POFUT2: variants seen among roughly 807,000 people sequenced by gnomAD.
The protein encoded by POFUT2 is protein O-fucosyltransferase 2.
POFUT2 carries 30 observed loss-of-function variants against 55.0 expected under a neutral mutation model. That is an observed-to-expected ratio of 0.55 (90% CI 0.41 to 0.74). The LOEUF (loss-of-function observed/expected upper bound fraction) is 0.74. POFUT2 is among the 30% of genes least tolerant of loss of function. The pLI is 0.00. For synonymous variants in POFUT2, 267 were observed against 231.1 expected, an observed-to-expected ratio of 1.16 and a Z score of -1.41; for missense variants, 524 against 562.6, an observed-to-expected ratio of 0.93 and a Z score of 0.69.
chr21:45,264,397 CCT>C lies in POFUT2; in HGVS notation c.*1083_*1084del, dbSNP rs1467514513. 8 of 152,426 alleles carry C rather than the reference CCT, an allele frequency of 5.2e-5. No homozygotes were observed. The East Asian group carries it at 1.4e-3, about 26-fold the overall frequency. 9.4% of individuals were successfully genotyped at this position (152,426 alleles called of 1,614,324 possible). A position where few individuals can be genotyped will look rare whatever the true frequency, so the allele number is the denominator to read the frequency against. On this transcript the variant is annotated 3_prime_UTR_variant, in exon 9 of 9. Transcript: ENST00000349485. Reference sequence around the variant, plus strand: ...GGGGGGCTCCCTGACCCTGAGGACCCCTGAGGCACTGCTGCACCTTCCACGGA... The same window carrying C: ...GGGGGGCTCCCTGACCCTGAGGACCCGAGGCACTGCTGCACCTTCCACGGA...
intron 6 of POFUT2, among the ~76,000 whole-genome samples, chr21:45,271,527 C>T (rs2093219649): frequency 6.6e-6 from 1 of 152,146 alleles, no homozygotes; most frequent in Non-Finnish European, 1.5e-5. Context: ...ATCTAGACAT[C>T]CAAATACAGG....
intron 6 of POFUT2, among the ~76,000 whole-genome samples, chr21:45,273,756 A>G (rs1005597603): frequency 2.0e-5 from 3 of 152,254 alleles, no homozygotes; most frequent in Non-Finnish European, 4.4e-5. Flanking sequence ...ATTTGACAAA[A>G]TCCGGCATTG....
At position 45,281,466 on chromosome 21, in the gene POFUT2, T is replaced by C. The variant is rs560431502; in HGVS notation, c.638+883A>G. ...TGGCTGAGCAGCAGACACGCGGGCCTGTGATGGAGCCACCTGCCTTCACAA... is the reference window on the plus strand; with the variant it reads ...TGGCTGAGCAGCAGACACGCGGGCCCGTGATGGAGCCACCTGCCTTCACAA... On this transcript the variant is annotated intron_variant, in intron 4 of 8. Transcript: ENST00000349485. This position sits in a 1 kb window ranked among gnomAD's most constrained non-coding sequence, Gnocchi z 5.0. Among the ~76,000 whole-genome samples the C allele has an allele frequency of 2.2e-4, 34 of 152,258 alleles. No homozygotes were observed. Among genetic ancestry groups the C allele is most frequent in the African/African-American group, 7.9e-4 (33 of 41,558 alleles).
At chr21:45,268,818 G>GA (rs2093185505) in intron 7 of POFUT2, among the ~76,000 whole-genome samples, 1 of 146,094 alleles carries the variant, frequency 6.8e-6, no homozygotes, top group African/African-American at 2.6e-5. Flanking sequence ...AGGTGGGGGG[G>GA]TCAGCCCTCC....
intron 1 of POFUT2, 80 bp downstream of exon 1, chr21:45,287,661 A>AGGC: frequency 1.3e-5 from 3 of 234,316 alleles, no homozygotes; most frequent in Non-Finnish European, 2.0e-5. Flanking sequence ...CTGGCCCCTG[A>AGGC]CCCCGCCCCG....
rs1347446284 is a variant in POFUT2 at position 45,283,287 on chromosome 21, G to A, written c.527+96C>T. 4 of 552,804 alleles carry A rather than the reference G, an allele frequency of 7.2e-6. No individual in the cohort carries two copies. The East Asian group carries it at 1.6e-4, about 22-fold the overall frequency. The allele number at this position is 552,804 out of a possible 1,614,324, so 34.2% of individuals were successfully genotyped here. ...GGGGCACCCACGGTGGTGGGGAGGA[G>A]TGGGCGGGGGGCGCCTGAGGCGGGG... On this transcript the variant is annotated intron_variant, in intron 3 of 8. Coordinates refer to ENST00000349485, the MANE Select transcript of POFUT2 (RefSeq NM_133635.6).
chr21:45,266,815 C>G (rs1017057956), intron 8 of POFUT2: 7 of 998,616 alleles, frequency 7.0e-6, no homozygotes, highest in Non-Finnish European at 8.4e-6. Flanking sequence ...CAGAGACGCA[C>G]GCGTGTGCAC....
In POFUT2 at chr21:45,268,440, G is replaced by A. The variant is rs372831529; in HGVS notation, c.1013-727C>T. 7.4e-3 allele frequency among the ~76,000 whole-genome samples: 1,123 copies of A among 151,676 alleles called. 11 individuals carry two copies. Among genetic ancestry groups the A allele is most frequent in the African/African-American group, 0.025 (1,028 of 41,384 alleles). On this transcript the variant is annotated intron_variant, in intron 7 of 8. Coordinates refer to ENST00000349485, the MANE Select transcript of POFUT2 (RefSeq NM_133635.6). ...AAGTGAGGAGTGTCTCTGCCTGGCC[G>A]CCCATCGTCTGGGATGTGAGGAGCC...
chr21:45,269,184 C>T (rs1328240236), intron 7 of POFUT2, among the ~76,000 whole-genome samples: 10 of 122,822 alleles, frequency 8.1e-5, no homozygotes, highest in African/African-American at 2.3e-4. Flanking sequence ...GCCCCCCGCC[C>T]GGCCAGCCGC....
intron 6 of POFUT2, 58 bp downstream of exon 6, chr21:45,276,959 G>C (rs1297498391): frequency 6.3e-7 from 1 of 1,580,606 alleles, no homozygotes; most frequent in Admixed American, 1.7e-5. Context: ...GCCTGAGTGT[G>C]GGGCATCTCC....
intron 7 of POFUT2, among the ~76,000 whole-genome samples, chr21:45,269,613 A>G (rs1012747877): frequency 1.3e-5 from 2 of 151,874 alleles, no homozygotes; most frequent in African/African-American, 4.8e-5. Flanking sequence ...AGTCATCACC[A>G]ATCCCTAATC....
At chr21:45,278,314 G>A (rs1206744335) in intron 4 of POFUT2, 145 bp from the exon 5 acceptor site, 2 of 720,876 alleles carry the variant, frequency 2.8e-6, no homozygotes, top group South Asian at 3.2e-5. Flanking sequence ...GCGTTGGGTG[G>A]TTATGGCTGA....
chr21:45,275,939 A>T (rs1175677276), intron 6 of POFUT2, among the ~76,000 whole-genome samples: 1 of 152,204 alleles, frequency 6.6e-6, no homozygotes, highest in Non-Finnish European at 1.5e-5. Context: ...CTGTAATCCC[A>T]GCACTCTGGG....
chr21:45,279,144 CA>C (rs1347184448), intron 4 of POFUT2, among the ~76,000 whole-genome samples: 1 of 152,162 alleles, frequency 6.6e-6, no homozygotes, highest in Non-Finnish European at 1.5e-5. Flanking sequence ...CTAATCCCAG[CA>C]CTTTGGGAGG....
intron 4 of POFUT2, among the ~76,000 whole-genome samples, chr21:45,278,766 G>A (rs1025253320): frequency 2.0e-5 from 3 of 152,230 alleles, no homozygotes; most frequent in African/African-American, 7.2e-5. Context: ...CGTGAAGCAC[G>A]TGAGGAACGT....
At position 45,283,483 on chromosome 21, in the gene POFUT2, A is replaced by G; in HGVS notation, c.427T>C (p.Tyr143His). 6.2e-7 allele frequency: 1 copy of G among 1,613,902 alleles called. No individual in the cohort carries two copies. The highest frequency in any genetic ancestry group is 8.5e-7 in the Non-Finnish European group (1 of 1,179,914). Residue 143 changes from tyrosine to histidine, a missense_variant, in exon 3 of 9, where the codon TAC becomes CAC. By Grantham distance (83) the Tyr-to-His change is moderately conservative. Around this residue, in one of 2 missense-constraint regions of POFUT2, gnomAD observed 274 missense variants for 244.4 expected, o/e 1.12. Coordinates refer to ENST00000349485, the MANE Select transcript of POFUT2 (RefSeq NM_133635.6). ...FIDQVYVLQS[Y>H]AEGWKEGTWE... ...GTCCCTTCTTTCCACCCCTCTGCGT[A>G]ACTTTGCAGGACGTAAACCTGGTCA...
intron 4 of POFUT2, among the ~76,000 whole-genome samples, chr21:45,279,042 A>G (rs2030199097): frequency 1.3e-5 from 2 of 152,204 alleles, no homozygotes; most frequent in Admixed American, 1.3e-4. Context: ...AGACCTGAAT[A>G]TTGGGGTGGT....
chr21:45,285,592 T>TA lies in POFUT2; in HGVS notation c.382+85dup, dbSNP rs1167689498. 7 of 1,556,746 alleles carry TA rather than the reference T, an allele frequency of 4.5e-6. No individual in the cohort carries two copies. In the Admixed American group the frequency reaches 1.0e-4, roughly 22 times the overall value. ...ATGCTGGTGAGGCTGGATGCAATCG[T>TA]AAGCCCAACCTGATGTCTACCTTAG... is the stretch of plus-strand genomic sequence containing the variant. On this transcript the variant is annotated intron_variant, in intron 2 of 8. Transcript: ENST00000349485. The surrounding 1 kb of genome is among the most constrained non-coding windows in gnomAD (Gnocchi z 4.9).
Position 45,270,003 on chromosome 21 carries a change from G to A in POFUT2, c.848C>T (p.Ala283Val), listed in dbSNP as rs374934503. The A allele has an allele frequency of 2.8e-5, 44 of 1,556,986 alleles. No homozygotes were observed. Among genetic ancestry groups the A allele is most frequent in the Non-Finnish European group, 3.5e-5 (40 of 1,157,490 alleles). ...WMKMKVKLGS[A>V]LGGPYLGVHL... The stretch of plus-strand genomic sequence containing the variant: ...GACTCCCAGGTAGGGGCCCCCTAGC[G>A]CGGAGCCCAGCTTGACCTAGCAAAG... Residue 283 changes from alanine to valine, a missense_variant, in exon 7 of 9, where the codon GCG becomes GTG. Physicochemically the swap from Ala to Val is moderately conservative, Grantham distance 64. Around this residue, in one of 2 missense-constraint regions of POFUT2, gnomAD observed 250 missense variants for 318.2 expected, o/e 0.79. Transcript: ENST00000349485. The surrounding 1 kb of genome is among the most constrained non-coding windows in gnomAD (Gnocchi z 4.6).
Sources: allele counts gnomAD v4.1 joint callset (sites outside exome capture counted in the v4.1 genomes callset), GRCh38; gene constraint gnomAD v4.1.1; regional missense constraint gnomAD v4.1.1; non-coding constraint Gnocchi (gnomAD v3.1); transcripts MANE v1.5; gene names NCBI Gene and HGNC (gene_info 2026-07-23, HGNC 2026-07-21).